Variants in HS3ST4 observed in about 807,000 individuals in gnomAD.
HS3ST4 encodes the protein heparan sulfate glucosamine 3-O-sulfotransferase 4.
A neutral mutation model predicts 29.2 loss-of-function variants in HS3ST4; 17 were observed. The observed-to-expected ratio is 0.58, with a 90% CI of 0.40 to 0.87. The LOEUF is 0.87. HS3ST4 is among the 40% of genes least tolerant of loss of function. The pLI, the probability that HS3ST4 is intolerant of heterozygous loss-of-function variation, is 0.00. For missense variants in HS3ST4, 627 were observed against 634.5 expected (o/e 0.99, Z 0.13); for synonymous variants, 314 against 285.7 (o/e 1.10, Z -1.00).
intron 1 of HS3ST4, among the ~76,000 whole-genome samples, chr16:26,011,862 A>G (rs138617019): frequency 4.6e-5 from 7 of 152,254 alleles, no homozygotes; most frequent in Non-Finnish European, 8.8e-5. Flanking sequence ...GTTGAGATCT[A>G]TGTCACAGAA....
In HS3ST4 at chr16:25,828,301, C is replaced by CCTCTCTCTCT. The variant is rs1196055715; in HGVS notation, c.734+135179_734+135188dup. 8.9e-3 allele frequency among the ~76,000 whole-genome samples: 293 copies of CCTCTCTCTCT among 32,884 alleles called. 16 individuals are homozygous for CCTCTCTCTCT. Among genetic ancestry groups the CCTCTCTCTCT allele is most frequent in the East Asian group, 0.013 (13 of 1,008 alleles). The allele number at this position is 32,884 out of a possible 152,430, so 21.6% of individuals were successfully genotyped here. ...CTTTCTTTCTTTCTTTCTTTCTTTC[C>CCTCTCTCTCT]CTCTCTCTCTCTCTCTCTCTCTCTC... is the stretch of plus-strand genomic sequence containing the variant. On this transcript the variant is annotated intron_variant, in intron 1 of 1. Coordinates refer to ENST00000331351, the MANE Select transcript of HS3ST4 (RefSeq NM_006040.3).
chr16:25,757,785 G>A (rs1966766420), intron 1 of HS3ST4, among the ~76,000 whole-genome samples: 1 of 151,904 alleles, frequency 6.6e-6, no homozygotes, highest in East Asian at 1.9e-4. Flanking sequence ...CTCGTCGGGT[G>A]GGGCTTTTAG....
intron 1 of HS3ST4, among the ~76,000 whole-genome samples, chr16:25,791,056 AT>A (rs536696272): frequency 6.6e-6 from 1 of 151,626 alleles, no homozygotes; most frequent in African/African-American, 2.4e-5. Context: ...TATATGATTG[AT>A]TTTTTTTATA....
intron 1 of HS3ST4, among the ~76,000 whole-genome samples, chr16:26,113,068 A>T (rs1899152566): frequency 6.6e-6 from 1 of 152,232 alleles, no homozygotes; most frequent in African/African-American, 2.4e-5. Flanking sequence ...AAAAATGAGT[A>T]AGTAGTGCCA....
chr16:26,092,394 C>A (rs574992740), intron 1 of HS3ST4, among the ~76,000 whole-genome samples: 1 of 152,288 alleles, frequency 6.6e-6, no homozygotes, highest in African/African-American at 2.4e-5. Flanking sequence ...CCCACTGCTC[C>A]ATGTCCAGTC....
At chr16:26,081,264 G>A (rs1167056762) in intron 1 of HS3ST4, among the ~76,000 whole-genome samples, 1 of 144,666 alleles carries the variant, frequency 6.9e-6, no homozygotes, top group African/African-American at 2.6e-5. Flanking sequence ...TCCGGCCTGG[G>A]CAATGGGAGT....
intron 1 of HS3ST4, among the ~76,000 whole-genome samples, chr16:26,033,514 CAAAAA>C (rs112569573): frequency 1.8e-5 from 2 of 113,400 alleles, no homozygotes. Flanking sequence ...GACTCTGTCT[CAAAAA>C]AAAAAAAAAA....
intron 1 of HS3ST4, among the ~76,000 whole-genome samples, chr16:25,950,654 A>G (rs1472202790): frequency 6.6e-6 from 1 of 151,960 alleles, no homozygotes; most frequent in Non-Finnish European, 1.5e-5. Context: ...CAAGCTGAAG[A>G]AGGATAAAGA....
intron 1 of HS3ST4, among the ~76,000 whole-genome samples, chr16:25,707,187 T>C (rs1295316209): frequency 6.6e-6 from 1 of 152,126 alleles, no homozygotes; most frequent in Non-Finnish European, 1.5e-5. Context: ...GCAAGAGTAG[T>C]GATGCTGGTA....
At chr16:26,111,971 C>T (rs1307247214) in intron 1 of HS3ST4, among the ~76,000 whole-genome samples, 2 of 149,008 alleles carry the variant, frequency 1.3e-5, no homozygotes, top group African/African-American at 2.5e-5. Flanking sequence ...AAGCCAAGAT[C>T]ATGCCACTGC....
At chr16:25,942,748 A>ATAAT (rs1968584525) in intron 1 of HS3ST4, among the ~76,000 whole-genome samples, 1 of 151,208 alleles carries the variant, frequency 6.6e-6, no homozygotes, top group African/African-American at 2.4e-5. Context: ...CCTCCCAATT[A>ATAAT]GCTAGGATGA....
intron 1 of HS3ST4, among the ~76,000 whole-genome samples, chr16:26,095,272 G>C (rs1898908623): frequency 6.6e-6 from 1 of 152,176 alleles, no homozygotes; most frequent in Non-Finnish European, 1.5e-5. Flanking sequence ...GGACCTAATA[G>C]ACATCTACAG....
chr16:25,807,818 A>C (rs1967003449), intron 1 of HS3ST4, among the ~76,000 whole-genome samples: 1 of 152,138 alleles, frequency 6.6e-6, no homozygotes, highest in African/African-American at 2.4e-5. Context: ...TGGAGTTGTC[A>C]TTATTTTTAA....
intron 1 of HS3ST4, among the ~76,000 whole-genome samples, chr16:25,746,345 G>T (rs1339367138): frequency 6.6e-6 from 1 of 152,186 alleles, no homozygotes; most frequent in East Asian, 1.9e-4. Flanking sequence ...TCATAATCTG[G>T]ATCCTGAAGG....
chr16:26,134,483 C>T (rs1216432149), intron 1 of HS3ST4, among the ~76,000 whole-genome samples: 1 of 151,700 alleles, frequency 6.6e-6, no homozygotes, highest in East Asian at 1.9e-4. Flanking sequence ...CTGCCTCAGC[C>T]TCCCAAGTAG....
chr16:25,814,841 C>T (rs1415263118), intron 1 of HS3ST4, among the ~76,000 whole-genome samples: 1 of 152,178 alleles, frequency 6.6e-6, no homozygotes, highest in African/African-American at 2.4e-5. Flanking sequence ...TGTAATTGCA[C>T]GTTGTCCAGA....
intron 1 of HS3ST4, among the ~76,000 whole-genome samples, chr16:26,018,416 G>A (rs185131583): frequency 3.9e-4 from 60 of 152,222 alleles, no homozygotes; most frequent in African/African-American, 1.0e-3. Context: ...TTATTCTTCC[G>A]TTGTTTTCAG....
chr16:25,980,057 A>C (rs368646453), intron 1 of HS3ST4, among the ~76,000 whole-genome samples: 9 of 152,164 alleles, frequency 5.9e-5, no homozygotes, highest in East Asian at 5.8e-4. Flanking sequence ...GCCTCTGGTC[A>C]TGTCCTCCTC....
intron 1 of HS3ST4, among the ~76,000 whole-genome samples, chr16:25,798,099 C>T (rs1966899000): frequency 6.6e-6 from 1 of 152,112 alleles, no homozygotes; most frequent in Non-Finnish European, 1.5e-5. Context: ...GTTAAGTCAT[C>T]ATATCTCAAA....
Sources: allele counts gnomAD v4.1 joint callset (sites outside exome capture counted in the v4.1 genomes callset), GRCh38; gene constraint gnomAD v4.1.1; transcripts MANE v1.5; gene names NCBI Gene and HGNC (gene_info 2026-07-23, HGNC 2026-07-21).